Variants in NKAIN2 observed in about 807,000 individuals in gnomAD.
The protein encoded by NKAIN2 is sodium/potassium-transporting ATPase subunit beta-1-interacting protein 2.
In NKAIN2, 14 loss-of-function variants were observed where a neutral mutation model predicts 32.6. The observed-to-expected ratio is 0.43, with a 90% CI of 0.28 to 0.67. The LOEUF is 0.67. NKAIN2 is among the 30% of genes least tolerant of loss of function. The probability of loss-of-function intolerance (pLI) is 0.17; values close to 1 mark genes in which losing one functional copy is unlikely to be tolerated. For missense variants in NKAIN2, 198 were observed against 258.3 expected (o/e 0.77, Z 1.60); for synonymous variants, 80 against 87.2 (o/e 0.92, Z 0.46).
chr6:124,749,935 TCTTTCTGCTTGGATGGAACTTC>T (rs1475965552), intron 4 of NKAIN2, among the ~76,000 whole-genome samples: 3 of 151,708 alleles, frequency 2.0e-5, no homozygotes, highest in Non-Finnish European at 2.9e-5. Flanking sequence ...CACATGCTCT[TCTTTCTGCTTGGATGGAACTTC>T]CTTTCTGCTT....
chr6:123,902,658 G>A (rs947275208), intron 1 of NKAIN2, among the ~76,000 whole-genome samples: 1 of 152,074 alleles, frequency 6.6e-6, no homozygotes, highest in African/African-American at 2.4e-5. Flanking sequence ...TAACAACCCT[G>A]TTTGGGCATA....
intron 4 of NKAIN2, among the ~76,000 whole-genome samples, chr6:124,730,022 AAGG>A (rs1227976770): frequency 7.4e-6 from 1 of 135,756 alleles, no homozygotes; most frequent in Non-Finnish European, 1.6e-5. Flanking sequence ...GGACCTCTTC[AAGG>A]AGAACTACAA....
chr6:124,222,301 C>A (rs901043555), intron 1 of NKAIN2, among the ~76,000 whole-genome samples: 9 of 152,108 alleles, frequency 5.9e-5, no homozygotes, highest in Non-Finnish European at 1.5e-5. Flanking sequence ...AATAAATGAA[C>A]AAACTAAAAT....
intron 1 of NKAIN2, among the ~76,000 whole-genome samples, chr6:123,917,344 C>T (rs1035697056): frequency 2.6e-5 from 4 of 151,818 alleles, no homozygotes; most frequent in Admixed American, 6.6e-5. Flanking sequence ...AGGAAGAAGC[C>T]GTTTTTTTGA....
chr6:124,454,117 G>GGGGT (rs1776231559), intron 3 of NKAIN2, among the ~76,000 whole-genome samples: 1 of 127,614 alleles, frequency 7.8e-6, no homozygotes. Context: ...GGGGGGGGGG[G>GGGGT]TTGCTGGTTT....
intron 3 of NKAIN2, among the ~76,000 whole-genome samples, chr6:124,574,882 TC>T (rs1781269923): frequency 1.3e-5 from 2 of 152,158 alleles, no homozygotes; most frequent in Non-Finnish European, 2.9e-5. Flanking sequence ...ACTGTTACCA[TC>T]GTAAAACATG....
At chr6:124,398,097 C>T (rs2114444528) in intron 3 of NKAIN2, among the ~76,000 whole-genome samples, 1 of 151,344 alleles carries the variant, frequency 6.6e-6, no homozygotes, top group South Asian at 2.1e-4. Context: ...ACTAAAACTA[C>T]AAAAAATTAG....
chr6:123,879,332 G>A (rs944557755), intron 1 of NKAIN2, among the ~76,000 whole-genome samples: 5 of 152,274 alleles, frequency 3.3e-5, no homozygotes, highest in African/African-American at 1.2e-4. Flanking sequence ...TAAATCTAAA[G>A]GATATAGTTG....
chr6:124,252,486 A>T (rs1793731097), intron 1 of NKAIN2, among the ~76,000 whole-genome samples: 1 of 152,190 alleles, frequency 6.6e-6, no homozygotes, highest in East Asian at 1.9e-4. Flanking sequence ...ATGGGGGTGG[A>T]TAGGCACACA....
intron 5 of NKAIN2, among the ~76,000 whole-genome samples, chr6:124,798,056 C>T (rs925568445): frequency 1.3e-5 from 2 of 149,390 alleles, no homozygotes; most frequent in African/African-American, 5.0e-5. Flanking sequence ...TTCTTCTTAT[C>T]TATCTATTAT....
intron 4 of NKAIN2, among the ~76,000 whole-genome samples, chr6:124,668,558 TTAATG>T (rs2114466049): frequency 6.6e-6 from 1 of 152,290 alleles, no homozygotes; most frequent in Admixed American, 6.5e-5. Context: ...ATTTTATTTT[TTAATG>T]TCTTAGTTTT....
chr6:124,313,999 T>C (rs994873643), intron 2 of NKAIN2, among the ~76,000 whole-genome samples: 1 of 152,006 alleles, frequency 6.6e-6, no homozygotes, highest in African/African-American at 2.4e-5. Flanking sequence ...GGGTAGAAGA[T>C]TGGGAAAAGG....
chr6:124,523,156 G>GGA (rs1779186432), intron 3 of NKAIN2, among the ~76,000 whole-genome samples: 2 of 140,946 alleles, frequency 1.4e-5, no homozygotes, highest in Non-Finnish European at 3.0e-5. Flanking sequence ...AAAAAAAAAA[G>GGA]AAAAAAGATC....
intron 3 of NKAIN2, among the ~76,000 whole-genome samples, chr6:124,652,982 G>A (rs1480298852): frequency 6.6e-6 from 1 of 152,096 alleles, no homozygotes; most frequent in Non-Finnish European, 1.5e-5. Flanking sequence ...ATCTATATGA[G>A]GAAAATTGCA....
chr6:124,211,052 G>A (rs1791149061), intron 1 of NKAIN2, among the ~76,000 whole-genome samples: 1 of 151,566 alleles, frequency 6.6e-6, no homozygotes, highest in African/African-American at 2.4e-5. Flanking sequence ...TTTTCATGGA[G>A]AAAATCATGT....
At chr6:124,531,633 G>A (rs747269819) in intron 3 of NKAIN2, among the ~76,000 whole-genome samples, 3 of 152,134 alleles carry the variant, frequency 2.0e-5, no homozygotes, top group African/African-American at 7.2e-5. Flanking sequence ...AACTTGGGGA[G>A]ATAGGCAGTG....
chr6:123,860,765 T>A (rs1383644648), intron 1 of NKAIN2, among the ~76,000 whole-genome samples: 2 of 152,148 alleles, frequency 1.3e-5, no homozygotes, highest in African/African-American at 4.8e-5. Flanking sequence ...ATATGAAAAA[T>A]TATTTCCCTC....
At chr6:124,749,938 T>C (rs1437395098) in intron 4 of NKAIN2, among the ~76,000 whole-genome samples, 1 of 151,668 alleles carries the variant, frequency 6.6e-6, no homozygotes, top group Non-Finnish European at 1.5e-5. Context: ...ATGCTCTTCT[T>C]TCTGCTTGGA....
chr6:124,311,091 C>G (rs777953635), intron 2 of NKAIN2, among the ~76,000 whole-genome samples: 33 of 152,078 alleles, frequency 2.2e-4, no homozygotes, highest in Admixed American at 1.8e-3. Context: ...TTTCCCTTTT[C>G]ATCAACTTAT....
Sources: allele counts gnomAD v4.1 joint callset (sites outside exome capture counted in the v4.1 genomes callset), GRCh38; gene constraint gnomAD v4.1.1; transcripts MANE v1.5; gene names NCBI Gene and HGNC (gene_info 2026-07-23, HGNC 2026-07-21).